Variants in SPATA6L observed in about 807,000 individuals in gnomAD.
SPATA6L encodes the protein spermatogenesis associated 6 like, also known as spermatogenesis associated 6-like protein.
Under a neutral mutation model 49.2 loss-of-function variants are expected in SPATA6L, and 68 were observed. That is an observed-to-expected ratio of 1.38 (90% CI 1.14 to 1.69). SPATA6L has a LOEUF of 1.69. Ranked by LOEUF, SPATA6L falls within the 40% of genes most tolerant of loss-of-function variation. The pLI, the probability that SPATA6L is intolerant of heterozygous loss-of-function variation, is 0.00. For synonymous variants in SPATA6L, 198 were observed against 165.7 expected (o/e 1.19, Z -1.50); for missense variants, 668 against 464.3 (o/e 1.44, Z -4.03).
chr9:4,656,068 G>A lies in SPATA6L; in HGVS notation c.199C>T (p.Pro67Ser). 6.2e-7 allele frequency: 1 copy of A among 1,612,844 alleles called. No homozygotes were observed. Residue 67 changes from proline (P) to serine (S), a missense_variant, in exon 3 of 12, where the codon CCT (proline) becomes TCT (serine). Pro to Ser is a moderately conservative substitution (Grantham distance 74). Coordinates refer to ENST00000682582, the MANE Select transcript of SPATA6L (RefSeq NM_001353486.2). The stretch of plus-strand genomic sequence containing the variant: ...TCCAAAAGGTCTACTACAGCTCCAG[G>A]ATCTACTGCACTTTCAAATACCTGC... ...FEKVFESAVD[P>S]GAVVDLLEMW...
intron 3 of SPATA6L, among the ~76,000 whole-genome samples, chr9:4,639,035 C>T (rs1355494771): frequency 6.6e-6 from 1 of 152,160 alleles, no homozygotes; most frequent in African/African-American, 2.4e-5. Context: ...AACTACTTAA[C>T]TTCAGTCTCC....
chr9:4,634,069 G>C (rs1264918648), intron 4 of SPATA6L, among the ~76,000 whole-genome samples: 3 of 152,132 alleles, frequency 2.0e-5, no homozygotes, highest in Non-Finnish European at 2.9e-5. Flanking sequence ...GTTAAAGAGA[G>C]ATAACACTTA....
At position 4,662,721 on chromosome 9, in the gene SPATA6L, A is replaced by C. The variant is rs1455623930; in HGVS notation, c.40-685T>G. ...GGCCATCGACCTGTGGCTGTCCAAG[A>C]AGCTGGGGGTGTGCGCGGGAGAGAG... On this transcript the variant is annotated intron_variant, in intron 1 of 11. Coordinates refer to ENST00000682582, the MANE Select transcript of SPATA6L (RefSeq NM_001353486.2). This position sits in a 1 kb window ranked among gnomAD's most constrained non-coding sequence, Gnocchi z 4.9. 6.2e-7 allele frequency: 1 copy of C among 1,602,456 alleles called. No individual in the cohort carries two copies. The highest frequency in any genetic ancestry group is 8.5e-7 in the Non-Finnish European group (1 of 1,179,892).
At chr9:4,658,381 C>T (rs557453157) in intron 2 of SPATA6L, among the ~76,000 whole-genome samples, 1 of 152,316 alleles carries the variant, frequency 6.6e-6, no homozygotes, top group Admixed American at 6.5e-5. Flanking sequence ...AAAATTTTTT[C>T]ACTACCTGCT....
At chr9:4,623,257 G>A (rs1386240191) in intron 6 of SPATA6L, among the ~76,000 whole-genome samples, 1 of 151,970 alleles carries the variant, frequency 6.6e-6, no homozygotes, top group African/African-American at 2.4e-5. Flanking sequence ...TCCAGCCTGG[G>A]CAACAAGAGT....
chr9:4,619,248 C>T (rs1284037421), intron 7 of SPATA6L, among the ~76,000 whole-genome samples: 1 of 150,278 alleles, frequency 6.7e-6, no homozygotes, highest in Non-Finnish European at 1.5e-5. Flanking sequence ...ATCTCCGCCT[C>T]CCAGGTTCAA....
chr9:4,638,633 C>A (rs1224236585), intron 3 of SPATA6L, among the ~76,000 whole-genome samples: 1 of 151,940 alleles, frequency 6.6e-6, no homozygotes, highest in Non-Finnish European at 1.5e-5. Flanking sequence ...CCCTTGTTGG[C>A]CAAAAACAGA....
intron 3 of SPATA6L, among the ~76,000 whole-genome samples, chr9:4,646,012 C>A (rs1253049448): frequency 6.6e-6 from 1 of 152,048 alleles, no homozygotes; most frequent in African/African-American, 2.4e-5. Flanking sequence ...AATGTGGAAA[C>A]CATTTCTAGT....
chr9:4,618,930 C>G (rs1223269339), intron 7 of SPATA6L, 32 bp from the exon 8 acceptor site: 1 of 1,606,004 alleles, frequency 6.2e-7, no homozygotes, highest in East Asian at 2.2e-5. Context: ...ATTTCAATGA[C>G]TCATTATTAC....
rs761094677 is a variant in SPATA6L, at chr9:4,646,474, A to G, written c.226+9567T>C. On this transcript the variant is annotated intron_variant, in intron 3 of 11. Transcript: ENST00000682582. ...ATTAAGCTAATTTAGAAACGGATTT[A>G]CTGCCACATTACCTGGAGGAACTAG... The G allele has an allele frequency of 5.6e-5, 84 of 1,511,074 alleles. No homozygotes were observed. The African/African-American group carries it at 1.1e-3, about 19-fold the overall frequency. 93.6% of individuals were successfully genotyped at this position (1,511,074 alleles called of 1,614,324 possible).
rs568337949 is a variant in SPATA6L, at chr9:4,663,943, A to C, written c.40-1907T>G. The C allele has an allele frequency of 1.7e-3, 278 of 167,168 alleles. 5 individuals are homozygous for C. In the South Asian group the frequency reaches 0.022, roughly 13 times the overall value. 10.4% of individuals were successfully genotyped at this position (167,168 alleles called of 1,614,324 possible). A position where few individuals can be genotyped will look rare whatever the true frequency, so the allele number is the denominator to read the frequency against. On this transcript the variant is annotated intron_variant, in intron 1 of 11. Transcript: ENST00000682582. ...TTCTCTCCTCTCCCTCCATCCCTCA[A>C]AAGATCTTTATGCATTTCCCACTAC... is the stretch of plus-strand genomic sequence containing the variant.
At chr9:4,605,579 T>A in intron 9 of SPATA6L, 139 bp from the exon 10 acceptor site, 1 of 597,488 alleles carries the variant, frequency 1.7e-6, no homozygotes, top group East Asian at 2.8e-5. Context: ...CATAGTGTGA[T>A]TTCAATGTCT....
chr9:4,593,027 T>A (rs1054044470), intron 13 of SPATA6L, among the ~76,000 whole-genome samples: 1 of 152,238 alleles, frequency 6.6e-6, no homozygotes, highest in Non-Finnish European at 1.5e-5. Context: ...TGCATTCTTC[T>A]TAACACTTCT....
rs772126041 is a variant in SPATA6L, at chr9:4,605,407, A to G, written c.1029T>C (p.Asn343=). ...GAAGACTGCATACCCTCTCATGGAT[A>G]TTCTTCCATGTGGACTGAGAACCAG... ...FHPGSQSTWK[N]IHERVCSLLT... is the part of the protein sequence containing the mutation. The change falls in exon 10 of 12, where the codon AAT becomes AAC. Residue 343 remains asparagine, a synonymous_variant. Coordinates refer to ENST00000682582, the MANE Select transcript of SPATA6L (RefSeq NM_001353486.2). The G allele has an allele frequency of 1.3e-5, 21 of 1,614,092 alleles. No individual in the cohort carries two copies. The highest frequency in any genetic ancestry group is 1.8e-5 in the Non-Finnish European group (21 of 1,179,910).
chr9:4,599,774 A>G lies in SPATA6L; in HGVS notation c.*1037T>C, dbSNP rs186227614. On this transcript the variant is annotated 3_prime_UTR_variant, in exon 12 of 12. Transcript: ENST00000682582. ...ACCCTCACAACCTCATCACCTCCCA[A>G]AAGGCCCCATTTCCTTAGAGGTTAG... 2.1e-4 allele frequency among the ~76,000 whole-genome samples: 32 copies of G among 152,348 alleles called. No individual in the cohort carries two copies. The highest frequency in any genetic ancestry group is 7.2e-4 in the African/African-American group (30 of 41,588).
rs376820291 is a variant in SPATA6L, at chr9:4,660,033, G to A, written c.177+1866C>T. Among the ~76,000 whole-genome samples the A allele has an allele frequency of 2.0e-4, 30 of 152,204 alleles. 3 individuals carry two copies. Among genetic ancestry groups the A allele is most frequent in the Admixed American group, 1.4e-3 (21 of 15,286 alleles). On this transcript the variant is annotated intron_variant, in intron 2 of 11. Transcript: ENST00000682582. ...ACACCTTATACAAAAATTAATTCAA[G>A]ATGGATTAAAGACTTAAATGTTAGA...
In SPATA6L at chr9:4,661,879, A is replaced by T; in HGVS notation, c.177+20T>A. The stretch of plus-strand genomic sequence containing the variant: ...AGGTTATCTTCAGACAACAAAAGCC[A>T]ATGAGAAAGTCAAGATCACCTTTTC... On this transcript the variant is annotated intron_variant, in intron 2 of 11. Transcript: ENST00000682582. The T allele has an allele frequency of 6.2e-7, 1 of 1,612,590 alleles. No homozygotes were observed. The highest frequency in any genetic ancestry group is 8.5e-7 in the Non-Finnish European group (1 of 1,179,048).
At chr9:4,629,305 T>C (rs578166424) in intron 4 of SPATA6L, 137 bp from the exon 5 acceptor site, 1 of 578,854 alleles carries the variant, frequency 1.7e-6, no homozygotes, top group Non-Finnish European at 3.0e-6. Context: ...AAAATATATA[T>C]GTAATAAGAA....
In SPATA6L at chr9:4,599,571, C is replaced by T. The variant is rs1413262679; in HGVS notation, c.*1240G>A. Among the ~76,000 whole-genome samples the T allele has an allele frequency of 6.6e-6, 1 of 152,194 alleles. No homozygotes were observed. The highest frequency in any genetic ancestry group is 1.5e-5 in the Non-Finnish European group (1 of 68,028). On this transcript the variant is annotated 3_prime_UTR_variant, in exon 12 of 12. Transcript: ENST00000682582. ...GCTTACAAACTACAGGAATTCATTT[C>T]TCACAGTTCTGGAAGCTGGGAAGTC... is the stretch of plus-strand genomic sequence containing the variant.
Sources: gnomAD v4.1 joint callset for allele counts (sites outside exome capture counted in the v4.1 genomes callset) on GRCh38, gnomAD v4.1.1 for gene constraint, Gnocchi (gnomAD v3.1) non-coding constraint, MANE v1.5 for transcripts, NCBI Gene and HGNC (gene_info 2026-07-23, HGNC 2026-07-21) for gene names.